Variants in NCOA3 observed in about 807,000 individuals in gnomAD.
NCOA3 encodes the protein CBP-interacting protein.
Under a neutral mutation model 158.8 loss-of-function variants are expected in NCOA3, and 51 were observed. The observed-to-expected ratio is 0.32, with a 90% CI of 0.26 to 0.41. NCOA3 has a LOEUF of 0.41. Ranked by LOEUF, NCOA3 falls within the 10% of genes least tolerant of loss-of-function variation. The pLI, the probability that NCOA3 is intolerant of heterozygous loss-of-function variation, is 1.00. For synonymous variants in NCOA3, 537 were observed against 592.4 expected (o/e 0.91, Z 1.36); for missense variants, 1,510 against 1,746.6 (o/e 0.86, Z 2.41).
At chr20:47,586,352 C>T (rs2085535671) in intron 2 of NCOA3, among the ~76,000 whole-genome samples, 1 of 152,108 alleles carries the variant, frequency 6.6e-6, no homozygotes, top group South Asian at 2.1e-4. Flanking sequence ...TGCTGTCCTA[C>T]TCTCTTTTCT....
chr20:47,519,783 G>A (rs2084296490), intron 1 of NCOA3, among the ~76,000 whole-genome samples: 1 of 151,052 alleles, frequency 6.6e-6, no homozygotes, highest in Admixed American at 6.6e-5. Flanking sequence ...TTTTTTTTTT[G>A]AGAGAGTCTC....
At chr20:47,561,851 A>T (rs2085111738) in intron 1 of NCOA3, among the ~76,000 whole-genome samples, 1 of 152,144 alleles carries the variant, frequency 6.6e-6, no homozygotes, top group South Asian at 2.1e-4. Context: ...ATTTACAATG[A>T]TCTACCATTA....
intron 5 of NCOA3, among the ~76,000 whole-genome samples, chr20:47,626,299 A>G (rs920696443): frequency 6.6e-6 from 1 of 152,220 alleles, no homozygotes; most frequent in African/African-American, 2.4e-5. Context: ...CTCTTTGTAA[A>G]TTCTCATTAA....
chr20:47,646,957 G>A (rs1602540358), intron 17 of NCOA3, 116 bp from the exon 18 acceptor site: 1 of 853,254 alleles, frequency 1.2e-6, no homozygotes, highest in South Asian at 1.7e-5. Flanking sequence ...CACATAACAA[G>A]CATTTACTTA....
intron 1 of NCOA3, among the ~76,000 whole-genome samples, chr20:47,529,682 A>G (rs759800805): frequency 1.3e-5 from 2 of 152,224 alleles, no homozygotes; most frequent in Non-Finnish European, 2.9e-5. Flanking sequence ...AAGTGTTGTG[A>G]TTACAGGCGT....
intron 1 of NCOA3, among the ~76,000 whole-genome samples, chr20:47,515,419 A>G (rs1489090542): frequency 6.6e-6 from 1 of 150,928 alleles, no homozygotes; most frequent in Non-Finnish European, 1.5e-5. Context: ...CCCAAAGTCC[A>G]AAGTGCTGGA....
chr20:47,644,024 C>T (rs960059108), intron 17 of NCOA3, among the ~76,000 whole-genome samples: 9 of 150,670 alleles, frequency 6.0e-5, no homozygotes, highest in Non-Finnish European at 1.0e-4. Flanking sequence ...ACTGATATTC[C>T]CTTTGGTTTA....
chr20:47,523,181 G>A (rs115989948), intron 1 of NCOA3, among the ~76,000 whole-genome samples: 1 of 152,228 alleles, frequency 6.6e-6, no homozygotes, highest in African/African-American at 2.4e-5. Flanking sequence ...GCGAGCCTCC[G>A]TCTCAAAACA....
chr20:47,512,351 G>A (rs968218786), intron 1 of NCOA3, among the ~76,000 whole-genome samples: 2 of 151,448 alleles, frequency 1.3e-5, no homozygotes, highest in East Asian at 3.9e-4. Context: ...CGGGCGGATC[G>A]TGAGGTCAAG....
In NCOA3 at chr20:47,650,965, T is replaced by C. The variant is rs1426746906; in HGVS notation, c.3652-17T>C. 3 of 1,610,604 alleles carry C rather than the reference T, an allele frequency of 1.9e-6. No individual in the cohort carries two copies. Among genetic ancestry groups the C allele is most frequent in the Non-Finnish European group, 2.5e-6 (3 of 1,177,208 alleles). ...TCTTGCTATATATATGTAATTGCAC[T>C]CTTTCTTGGGTATTAGCAGGGTTTT... On this transcript the variant is annotated splice_polypyrimidine_tract_variant and intron_variant, in intron 19 of 22. Coordinates refer to ENST00000371998, the MANE Select transcript of NCOA3 (RefSeq NM_181659.3).
chr20:47,557,555 A>C (rs574423606), intron 1 of NCOA3, among the ~76,000 whole-genome samples: 7 of 152,308 alleles, frequency 4.6e-5, no homozygotes, highest in African/African-American at 1.7e-4. Context: ...TAATATTGAG[A>C]GGACCATCTG....
chr20:47,601,623 CTT>C (rs1308295664), intron 2 of NCOA3, among the ~76,000 whole-genome samples: 1 of 152,138 alleles, frequency 6.6e-6, no homozygotes, highest in Non-Finnish European at 1.5e-5. Context: ...ATGTGCCAAA[CTT>C]TTAGAGTAAT....
At chr20:47,632,731 G>A (rs1460714739) in intron 8 of NCOA3, among the ~76,000 whole-genome samples, 8 of 150,408 alleles carry the variant, frequency 5.3e-5, no homozygotes, top group Non-Finnish European at 8.9e-5. Context: ...TTGCCAGGCC[G>A]GAGTGCGGTG....
At chr20:47,522,406 C>CTTTTTT (rs3091963) in intron 1 of NCOA3, among the ~76,000 whole-genome samples, 1 of 128,164 alleles carries the variant, frequency 7.8e-6, no homozygotes. Flanking sequence ...GCGCCCGGCC[C>CTTTTTT]TTTTTTTTTT....
intron 1 of NCOA3, among the ~76,000 whole-genome samples, chr20:47,535,601 A>T (rs188301126): frequency 6.6e-6 from 1 of 151,276 alleles, no homozygotes; most frequent in Admixed American, 6.6e-5. Context: ...TCCTCCTCCC[A>T]GGTTCAAGTG....
chr20:47,605,157 C>T (rs1170095890), intron 2 of NCOA3, among the ~76,000 whole-genome samples: 1 of 152,226 alleles, frequency 6.6e-6, no homozygotes, highest in Non-Finnish European at 1.5e-5. Flanking sequence ...TGAGCCACCA[C>T]GCCTGGCCCA....
At position 47,647,898 on chromosome 20, in the gene NCOA3, TTTG is replaced by T. The variant is rs1423847600; in HGVS notation, c.3546+535_3546+537del. 1.9e-4 allele frequency among the ~76,000 whole-genome samples: 18 copies of T among 93,934 alleles called. No homozygotes were observed. The Admixed American group carries it at 2.0e-3, about 10-fold the overall frequency. The allele number at this position is 93,934 out of a possible 152,430, so 61.6% of individuals were successfully genotyped here. On this transcript the variant is annotated intron_variant, in intron 18 of 22. Transcript: ENST00000371998. ...ATGAATGCCTGAGGTTTTTTTTTTG[TTTG>T]TTTGTTTGTTTTGTTTTGTTTTTTT... is the stretch of plus-strand genomic sequence containing the variant.
chr20:47,512,524 C>T (rs1212016871), intron 1 of NCOA3, among the ~76,000 whole-genome samples: 6 of 149,280 alleles, frequency 4.0e-5, no homozygotes, highest in Admixed American at 1.3e-4. Flanking sequence ...GCCGACATAG[C>T]GCCACTGCAC....
chr20:47,505,081 A>T (rs2084010827), intron 1 of NCOA3, among the ~76,000 whole-genome samples: 1 of 18,524 alleles, frequency 5.4e-5, no homozygotes, highest in Admixed American at 7.3e-4. Context: ...TTTTTTTTTG[A>T]GAAGGAAATT....
Sources: gnomAD v4.1 joint callset for allele counts (sites outside exome capture counted in the v4.1 genomes callset) on GRCh38, gnomAD v4.1.1 for gene constraint, MANE v1.5 for transcripts, NCBI Gene and HGNC (gene_info 2026-07-23, HGNC 2026-07-21) for gene names.